Variants in DGKI observed in about 807,000 individuals in gnomAD.
The protein encoded by DGKI is DAG kinase iota.
A neutral mutation model predicts 147.5 loss-of-function variants in DGKI; 55 were observed. The observed-to-expected ratio is 0.37, with a 90% CI of 0.30 to 0.47. The LOEUF (loss-of-function observed/expected upper bound fraction) is 0.47, where lower values mean the gene tolerates loss of function less well. DGKI is among the 20% of genes least tolerant of loss of function. DGKI has a pLI of 1.00. For missense variants in DGKI, 1,007 were observed against 1,323.8 expected, an observed-to-expected ratio of 0.76 and a Z score of 3.71; for synonymous variants, 469 against 477.1, an observed-to-expected ratio of 0.98 and a Z score of 0.22.
At chr7:137,465,108 C>T (rs1814604521) in intron 26 of DGKI, among the ~76,000 whole-genome samples, 1 of 152,166 alleles carries the variant, frequency 6.6e-6, no homozygotes, top group Non-Finnish European at 1.5e-5. Flanking sequence ...TGGGCTCTGG[C>T]ATCAGGTAAC....
chr7:137,569,214 T>TA lies in DGKI; in HGVS notation c.1947+1960dup, dbSNP rs1168928006. Among the ~76,000 whole-genome samples, 3 of 152,098 alleles carry TA rather than the reference T, an allele frequency of 2.0e-5. No individual in the cohort carries two copies. The East Asian group carries it at 5.8e-4, about 29-fold the overall frequency. On this transcript the variant is annotated intron_variant, in intron 19 of 32. Coordinates refer to ENST00000614521, the MANE Select transcript of DGKI (RefSeq NM_001321708.2). ...TTTGATCCTAAGAGCAATGGGGAAATACTGAATATTCCCCTTGGACTTCCA... is the reference window on the plus strand; with the variant it reads ...TTTGATCCTAAGAGCAATGGGGAAATAACTGAATATTCCCCTTGGACTTCCA...
At chr7:137,797,090 A>G (rs926909565) in intron 1 of DGKI, among the ~76,000 whole-genome samples, 5 of 152,228 alleles carry the variant, frequency 3.3e-5, no homozygotes, top group Admixed American at 3.3e-4. Context: ...GCAATCTTCA[A>G]TAACACTAAC....
intron 31 of DGKI, chr7:137,396,054 G>A: frequency 5.6e-6 from 1 of 177,778 alleles, no homozygotes; most frequent in African/African-American, 2.3e-5. Context: ...GCATACATTT[G>A]AGCAGAGCGA....
intron 1 of DGKI, among the ~76,000 whole-genome samples, chr7:137,745,403 A>G (rs555017356): frequency 6.6e-6 from 1 of 152,342 alleles, no homozygotes; most frequent in Non-Finnish European, 1.5e-5. Context: ...TAGTTACTAC[A>G]CCCAGTCAAC....
In DGKI at chr7:137,594,017, A is replaced by G. The variant is rs143378524; in HGVS notation, c.1311+3830T>C. On this transcript the variant is annotated intron_variant, in intron 12 of 32. Coordinates refer to ENST00000614521, the MANE Select transcript of DGKI (RefSeq NM_001321708.2). Reference sequence around the variant, plus strand: ...CTCTTTCACCTCCACTTCCAAGTGCATTATTGGGGAATGTTTCCCTCTGCT... The same window carrying G: ...CTCTTTCACCTCCACTTCCAAGTGCGTTATTGGGGAATGTTTCCCTCTGCT... Among the ~76,000 whole-genome samples, 854 of 152,246 alleles carry G rather than the reference A, an allele frequency of 5.6e-3. 10 individuals are homozygous for G. Among genetic ancestry groups the G allele is most frequent in the African/African-American group, 0.02 (827 of 41,548 alleles).
intron 3 of DGKI, among the ~76,000 whole-genome samples, chr7:137,674,135 G>C (rs1033000859): frequency 2.0e-5 from 3 of 152,142 alleles, no homozygotes; most frequent in African/African-American, 7.2e-5. Flanking sequence ...ACCAGAAAAA[G>C]AAACAGTTGC....
chr7:137,684,723 TTA>T (rs1347795086), intron 2 of DGKI, among the ~76,000 whole-genome samples: 3 of 152,228 alleles, frequency 2.0e-5, no homozygotes, highest in African/African-American at 7.2e-5. Context: ...GAGTAGTTCC[TTA>T]TGCGCTGCTC....
At chr7:137,521,203 C>G (rs1816948633) in intron 21 of DGKI, among the ~76,000 whole-genome samples, 1 of 151,960 alleles carries the variant, frequency 6.6e-6, no homozygotes, top group Non-Finnish European at 1.5e-5. Flanking sequence ...ATGCAGTGAT[C>G]AGAATGTACC....
intron 1 of DGKI, among the ~76,000 whole-genome samples, chr7:137,816,607 CT>C (rs1322003786): frequency 6.6e-6 from 1 of 152,100 alleles, no homozygotes; most frequent in African/African-American, 2.4e-5. Flanking sequence ...AATCAAAGAC[CT>C]TGTGGTGCTT....
chr7:137,476,346 C>T (rs1398755210), intron 23 of DGKI, among the ~76,000 whole-genome samples: 1 of 152,050 alleles, frequency 6.6e-6, no homozygotes, highest in Non-Finnish European at 1.5e-5. Context: ...ACGGTGTGCT[C>T]ATTTTTTGCT....
chr7:137,651,582 G>A (rs750528556), intron 5 of DGKI, among the ~76,000 whole-genome samples: 2 of 152,184 alleles, frequency 1.3e-5, no homozygotes, highest in African/African-American at 4.8e-5. Flanking sequence ...ACTCCAAGAA[G>A]GGCAGACTGG....
intron 1 of DGKI, among the ~76,000 whole-genome samples, chr7:137,801,618 T>C (rs1386722982): frequency 6.6e-6 from 1 of 152,212 alleles, no homozygotes; most frequent in Admixed American, 6.5e-5. Flanking sequence ...CTCTCTGCCA[T>C]CTGCTGACAG....
At chr7:137,444,884 AC>A (rs1428942042) in intron 27 of DGKI, among the ~76,000 whole-genome samples, 3 of 152,162 alleles carry the variant, frequency 2.0e-5, no homozygotes, top group Non-Finnish European at 4.4e-5. Flanking sequence ...TTTGACTCAC[AC>A]TTATTCTTTT....
chr7:137,425,039 G>C (rs947036122), intron 28 of DGKI, among the ~76,000 whole-genome samples: 1 of 38 alleles, frequency 0.026, no homozygotes, highest in Non-Finnish European at 0.038. Context: ...GAGAGCAGTG[G>C]TTCTCCCCAG....
intron 23 of DGKI, among the ~76,000 whole-genome samples, chr7:137,474,618 A>C (rs1049703648): frequency 2.6e-5 from 4 of 152,160 alleles, no homozygotes; most frequent in African/African-American, 9.7e-5. Context: ...GCAAAACTGA[A>C]ATTGTTGTAG....
intron 1 of DGKI, among the ~76,000 whole-genome samples, chr7:137,751,372 T>G (rs1795485593): frequency 6.6e-6 from 1 of 152,252 alleles, no homozygotes; most frequent in South Asian, 2.1e-4. Flanking sequence ...GTTAACTCTC[T>G]GAGAATAAGA....
In DGKI at chr7:137,521,282, AAAG is replaced by A. The variant is rs567047051; in HGVS notation, c.2248+581_2248+583del. Among the ~76,000 whole-genome samples, 55 of 152,238 alleles carry A rather than the reference AAAG, an allele frequency of 3.6e-4. 1 individual carries two copies. The East Asian group carries it at 6.8e-3, about 19-fold the overall frequency. Reference sequence around the variant, plus strand: ...TGAACTAACAATTAGCTATGTATTCAAAGAAGCATACAGAAAATACAAACTTTG... The same window carrying A: ...TGAACTAACAATTAGCTATGTATTCAAAGCATACAGAAAATACAAACTTTG... On this transcript the variant is annotated intron_variant, in intron 21 of 32. Coordinates refer to ENST00000614521, the MANE Select transcript of DGKI (RefSeq NM_001321708.2).
chr7:137,627,162 T>C (rs1820970849), intron 6 of DGKI, among the ~76,000 whole-genome samples: 1 of 152,186 alleles, frequency 6.6e-6, no homozygotes, highest in African/African-American at 2.4e-5. Flanking sequence ...TCATATACAG[T>C]ATCTAAATTT....
intron 28 of DGKI, among the ~76,000 whole-genome samples, chr7:137,416,931 A>C (rs1812382921): frequency 6.6e-6 from 1 of 152,206 alleles, no homozygotes; most frequent in South Asian, 2.1e-4. Context: ...ACCCAAGGGT[A>C]GCTATTATGC....
Sources: gnomAD v4.1 joint callset for allele counts (sites outside exome capture counted in the v4.1 genomes callset) on GRCh38, gnomAD v4.1.1 for gene constraint, MANE v1.5 for transcripts, NCBI Gene and HGNC (gene_info 2026-07-23, HGNC 2026-07-21) for gene names.